The following SNX8 variants were observed in gnomAD, a reference collection of about 807,000 sequenced individuals.
The protein encoded by SNX8 is sorting nexin-8.
A neutral mutation model predicts 51.6 loss-of-function variants in SNX8; 25 were observed. The observed-to-expected ratio is 0.48, with a 90% CI of 0.35 to 0.68. The LOEUF (loss-of-function observed/expected upper bound fraction) is 0.68. Ranked by LOEUF, SNX8 falls within the 30% of genes least tolerant of loss-of-function variation. SNX8 has a pLI of 0.00. For synonymous variants in SNX8, 324 were observed against 277.0 expected (o/e 1.17, Z -1.68); for missense variants, 695 against 624.0 (o/e 1.11, Z -1.21).
At chr7:2,301,603 C>T (rs1796394792) in intron 1 of SNX8, among the ~76,000 whole-genome samples, 1 of 152,132 alleles carries the variant, frequency 6.6e-6, no homozygotes, top group Non-Finnish European at 1.5e-5. Flanking sequence ...GTGATTTATG[C>T]AGAAATTTCT....
chr7:2,335,735 G>A lies in SNX8; in HGVS notation c.-66+18487C>T, dbSNP rs1046546534. ...GGCGAATGGCGTGAACCTGGGAGGCGGAGCTTGCGGTGAGCCGAGACCGCG... is the reference window on the plus strand; with the variant it reads ...GGCGAATGGCGTGAACCTGGGAGGCAGAGCTTGCGGTGAGCCGAGACCGCG... On this transcript the variant is annotated intron_variant, in intron 1 of 5. Coordinates refer to the SNX8 transcript ENST00000435336. Among the ~76,000 whole-genome samples, 5 of 149,140 alleles carry A rather than the reference G, an allele frequency of 3.4e-5. No individual in the cohort carries two copies. The East Asian group carries it at 8.0e-4, about 24-fold the overall frequency.
intron 1 of SNX8, among the ~76,000 whole-genome samples, chr7:2,303,364 C>T (rs1177658321): frequency 8.6e-4 from 130 of 151,048 alleles, no homozygotes; most frequent in African/African-American, 2.9e-3. Flanking sequence ...CCAGCCGCCC[C>T]GTCTGGGAGG....
At chr7:2,340,623 G>A (rs1010273804) in intron 1 of SNX8, among the ~76,000 whole-genome samples, 2 of 150,884 alleles carry the variant, frequency 1.3e-5, no homozygotes, top group African/African-American at 4.9e-5. Flanking sequence ...TTGGGAGGCT[G>A]AAGAGGGCGG....
chr7:2,284,610 TG>T (rs1314071890), intron 1 of SNX8, among the ~76,000 whole-genome samples: 3 of 151,494 alleles, frequency 2.0e-5, no homozygotes, highest in Non-Finnish European at 4.4e-5. Context: ...TTCACCACGT[TG>T]GCCAGGCTGG....
chr7:2,337,852 TAA>T (rs66642038), intron 1 of SNX8, among the ~76,000 whole-genome samples: 5 of 131,470 alleles, frequency 3.8e-5, no homozygotes, highest in Non-Finnish European at 4.8e-5. Context: ...GGATATCTTG[TAA>T]AAAAAAAAAA....
rs574659258 is a variant in SNX8 at position 2,333,667 on chromosome 7, C to T, written c.-66+20555G>A. 7.2e-5 allele frequency among the ~76,000 whole-genome samples: 11 copies of T among 152,304 alleles called. No individual in the cohort carries two copies. The South Asian group carries it at 2.3e-3, about 32-fold the overall frequency. On this transcript the variant is annotated intron_variant, in intron 1 of 5. Transcript: ENST00000435336. Reference sequence around the variant, plus strand: ...AGAACAGAAAGCCCAGAAATTAACTCACTCACATATGGTTAATTGATTTTC... The same window carrying T: ...AGAACAGAAAGCCCAGAAATTAACTTACTCACATATGGTTAATTGATTTTC...
intron 1 of SNX8, among the ~76,000 whole-genome samples, chr7:2,302,755 C>A (rs1410197238): frequency 6.6e-6 from 1 of 151,994 alleles, no homozygotes; most frequent in Non-Finnish European, 1.5e-5. Flanking sequence ...TGCCCCACCG[C>A]CCCGTCTGGG....
At chr7:2,303,701 T>TA (rs955536477) in intron 1 of SNX8, among the ~76,000 whole-genome samples, 5 of 152,136 alleles carry the variant, frequency 3.3e-5, no homozygotes, top group African/African-American at 1.2e-4. Flanking sequence ...CACTCAGGGT[T>TA]AAATGGATTA....
intron 1 of SNX8, among the ~76,000 whole-genome samples, chr7:2,289,170 C>T (rs190200186): frequency 2.6e-5 from 4 of 152,154 alleles, no homozygotes; most frequent in Non-Finnish European, 4.4e-5. Flanking sequence ...GGCGCCGCTG[C>T]GTGACTATGT....
At position 2,253,429 on chromosome 7, in the gene SNX8, T is replaced by C. The variant is rs1296445862; in HGVS notation, c.*1627A>G. ...GTCACGCTTCATGGCTCGGGTGTCA[T>C]GGTGCCATTCATGGCAACTGAGAAC... is the stretch of plus-strand genomic sequence containing the variant. On this transcript the variant is annotated 3_prime_UTR_variant, in exon 11 of 11. Transcript: ENST00000222990. 6.6e-6 allele frequency: 1 copy of C among 152,314 alleles called. No individual in the cohort carries two copies. The highest frequency in any genetic ancestry group is 1.5e-5 in the Non-Finnish European group (1 of 68,150). 9.4% of individuals were successfully genotyped at this position (152,314 alleles called of 1,614,324 possible). A position where few individuals can be genotyped will look rare whatever the true frequency, so the allele number is the denominator to read the frequency against.
intron 1 of SNX8, among the ~76,000 whole-genome samples, chr7:2,290,324 G>A (rs1447277362): frequency 6.6e-6 from 1 of 152,006 alleles, no homozygotes; most frequent in Non-Finnish European, 1.5e-5. Context: ...AACACAGTCA[G>A]ACTCGGTCTC....
chr7:2,336,263 T>G (rs565087018), intron 1 of SNX8, among the ~76,000 whole-genome samples: 1 of 151,654 alleles, frequency 6.6e-6, no homozygotes, highest in East Asian at 1.9e-4. Flanking sequence ...TAACCGGGCA[T>G]GGTGGCGCAG....
rs1795133445 is a variant in SNX8 at position 2,254,760 on chromosome 7, T to C, written c.*296A>G. The C allele has an allele frequency of 1.8e-5, 8 of 450,402 alleles. No homozygotes were observed. The highest frequency in any genetic ancestry group is 3.2e-5 in the Non-Finnish European group (8 of 247,510). 27.9% of individuals were successfully genotyped at this position (450,402 alleles called of 1,614,324 possible). The stretch of plus-strand genomic sequence containing the variant: ...TCCCCCAGGCACAATCTCTGTGAGA[T>C]GAGAGATCCCTGCCTCCCCGCACAG... On this transcript the variant is annotated 3_prime_UTR_variant, in exon 11 of 11. Coordinates refer to ENST00000222990, the MANE Select transcript of SNX8 (RefSeq NM_013321.4).
intron 1 of SNX8, among the ~76,000 whole-genome samples, chr7:2,289,365 T>A (rs1038675383): frequency 2.0e-5 from 3 of 152,228 alleles, no homozygotes; most frequent in African/African-American, 7.2e-5. Context: ...CTGCATATGT[T>A]CAGCTTGGTA....
intron 1 of SNX8, among the ~76,000 whole-genome samples, chr7:2,334,667 T>C (rs1013383601): frequency 1.3e-5 from 2 of 151,780 alleles, no homozygotes; most frequent in African/African-American, 4.8e-5. Flanking sequence ...GCCACTGCAC[T>C]CCAGCCTGGG....
chr7:2,278,658 C>A (rs112367076), intron 1 of SNX8, among the ~76,000 whole-genome samples: 1 of 124,456 alleles, frequency 8.0e-6, no homozygotes, highest in South Asian at 2.9e-4. Flanking sequence ...ACTCACACTA[C>A]GGAGTCGACG....
At chr7:2,308,213 A>C (rs1218750417) in intron 1 of SNX8, among the ~76,000 whole-genome samples, 1 of 152,204 alleles carries the variant, frequency 6.6e-6, no homozygotes, top group Admixed American at 6.5e-5. Flanking sequence ...ACTCTGCTAC[A>C]TAGCAGATAG....
chr7:2,338,731 GAACT>G (rs1778873054), intron 1 of SNX8, among the ~76,000 whole-genome samples: 1 of 152,156 alleles, frequency 6.6e-6, no homozygotes, highest in Non-Finnish European at 1.5e-5. Context: ...CTAACTGTTA[GAACT>G]AACAAGAGAA....
chr7:2,268,310 A>G (rs1795535846), intron 5 of SNX8, among the ~76,000 whole-genome samples: 1 of 128,570 alleles, frequency 7.8e-6, no homozygotes, highest in African/African-American at 3.0e-5. Flanking sequence ...CCTGGCAACC[A>G]CCCCGTCTGA....
Sources: gnomAD v4.1 joint callset for allele counts (sites outside exome capture counted in the v4.1 genomes callset) on GRCh38, gnomAD v4.1.1 for gene constraint, MANE v1.5 for transcripts, NCBI Gene and HGNC (gene_info 2026-07-23, HGNC 2026-07-21) for gene names.